Variants in ASTN2 observed in about 807,000 individuals in gnomAD.
The protein encoded by ASTN2 is astrotactin 2, also known as astrotactin-2.
In ASTN2, 54 loss-of-function variants were observed where a neutral mutation model predicts 139.8. The observed-to-expected ratio is 0.39, with a 90% CI of 0.31 to 0.48. ASTN2 has a LOEUF of 0.48. Among genes scored for constraint, ASTN2 ranks in the 20% least tolerant of loss-of-function variants. The pLI is 0.95. For synonymous variants in ASTN2, 756 were observed against 719.5 expected (o/e 1.05, Z -0.81); for missense variants, 1,565 against 1,725.1 (o/e 0.91, Z 1.64).
At chr9:116,522,712 G>A (rs1850931128) in intron 19 of ASTN2, among the ~76,000 whole-genome samples, 1 of 151,982 alleles carries the variant, frequency 6.6e-6, no homozygotes. Context: ...AAGAGGAAGA[G>A]GAAGAAGAAT....
At chr9:117,255,420 T>A (rs1833657394) in intron 2 of ASTN2, among the ~76,000 whole-genome samples, 1 of 152,214 alleles carries the variant, frequency 6.6e-6, no homozygotes, top group Admixed American at 6.5e-5. Context: ...GGAGATTATT[T>A]GTGTTACACC....
chr9:117,335,551 T>C (rs1275189041), intron 1 of ASTN2, among the ~76,000 whole-genome samples: 1 of 152,106 alleles, frequency 6.6e-6, no homozygotes, highest in Non-Finnish European at 1.5e-5. Flanking sequence ...TGTAGGAGGG[T>C]CATTTCATTA....
At chr9:116,957,570 GC>G (rs1241945408) in intron 10 of ASTN2, among the ~76,000 whole-genome samples, 1 of 152,188 alleles carries the variant, frequency 6.6e-6, no homozygotes, top group Non-Finnish European at 1.5e-5. Flanking sequence ...AGCCTGCTTT[GC>G]TTTTATAAGC....
At chr9:116,675,599 T>C (rs1309750747) in intron 16 of ASTN2, among the ~76,000 whole-genome samples, 26 of 152,174 alleles carry the variant, frequency 1.7e-4, no homozygotes, top group Non-Finnish European at 1.5e-5. Flanking sequence ...AGGGATACTC[T>C]TGGAGTTCTT....
chr9:116,793,754 C>T (rs1403441503), intron 13 of ASTN2, among the ~76,000 whole-genome samples: 3 of 152,202 alleles, frequency 2.0e-5, no homozygotes, highest in Admixed American at 2.0e-4. Context: ...AATTTATTAC[C>T]TGTGGCCTAC....
At chr9:116,784,670 C>T (rs1348231227) in intron 13 of ASTN2, among the ~76,000 whole-genome samples, 2 of 152,104 alleles carry the variant, frequency 1.3e-5, no homozygotes, top group Non-Finnish European at 2.9e-5. Context: ...GGGCTCATGC[C>T]TGTAATCCCA....
chr9:117,158,093 TA>T (rs1392115116), intron 3 of ASTN2, among the ~76,000 whole-genome samples: 3 of 151,922 alleles, frequency 2.0e-5, no homozygotes, highest in Non-Finnish European at 4.4e-5. Context: ...TTATACAAAA[TA>T]AAAAAATAGA....
At chr9:116,595,736 T>A (rs1338605823) in intron 19 of ASTN2, among the ~76,000 whole-genome samples, 5 of 152,142 alleles carry the variant, frequency 3.3e-5, no homozygotes, top group African/African-American at 1.2e-4. Context: ...ATATTTGATA[T>A]TAGGGATACA....
intron 4 of ASTN2, among the ~76,000 whole-genome samples, chr9:117,135,986 T>C (rs1829942645): frequency 6.6e-6 from 1 of 152,184 alleles, no homozygotes; most frequent in African/African-American, 2.4e-5. Flanking sequence ...GAGCCTTGTG[T>C]AGCAAGTGAT....
intron 19 of ASTN2, among the ~76,000 whole-genome samples, chr9:116,570,199 T>C (rs1004673896): frequency 7.9e-5 from 12 of 152,238 alleles, no homozygotes; most frequent in Non-Finnish European, 2.9e-5. Context: ...CTGAGATAAC[T>C]GATATACAGT....
intron 19 of ASTN2, among the ~76,000 whole-genome samples, chr9:116,601,601 C>T (rs777291307): frequency 6.9e-4 from 105 of 152,154 alleles, no homozygotes; most frequent in Non-Finnish European, 1.3e-3. Context: ...AGCAAAATAG[C>T]TTGGTTATAA....
At position 116,580,809 on chromosome 9, in the gene ASTN2, G is replaced by A. The variant is rs577751288; in HGVS notation, c.3355+37515C>T. On this transcript the variant is annotated intron_variant, in intron 19 of 22. Transcript: ENST00000313400. ...CTCATGAAAGGTATTTTGTGCAAAC[G>A]AGGTGTGATTTACACTTCCTTTAAT... 3.3e-5 allele frequency among the ~76,000 whole-genome samples: 5 copies of A among 152,178 alleles called. No individual in the cohort carries two copies. In the South Asian group the frequency reaches 8.3e-4, roughly 25 times the overall value.
intron 4 of ASTN2, among the ~76,000 whole-genome samples, chr9:117,109,148 G>A (rs991462767): frequency 6.8e-6 from 1 of 147,046 alleles, no homozygotes; most frequent in Non-Finnish European, 1.5e-5. Context: ...TGGGCGTGGA[G>A]ATACATGCCT....
intron 19 of ASTN2, among the ~76,000 whole-genome samples, chr9:116,565,383 CTCTCCATATATATATATATATATATA>C (rs1346823003): frequency 1.4e-4 from 5 of 36,094 alleles, no homozygotes; most frequent in South Asian, 1.4e-3. Flanking sequence ...CTCTCTCTCT[CTCTCCATATATATATATATATATATA>C]TATATATATA....
intron 10 of ASTN2, among the ~76,000 whole-genome samples, chr9:116,870,622 A>G (rs1833137542): frequency 6.6e-6 from 1 of 152,182 alleles, no homozygotes; most frequent in East Asian, 1.9e-4. Context: ...GCTCCAAAAC[A>G]GAGATAGCCA....
chr9:116,442,774 G>A (rs1378821796), intron 20 of ASTN2, among the ~76,000 whole-genome samples: 1 of 152,196 alleles, frequency 6.6e-6, no homozygotes, highest in African/African-American at 2.4e-5. Flanking sequence ...TTGTCAATGA[G>A]GACACTGAGA....
chr9:117,121,812 C>T (rs117473980), intron 4 of ASTN2, among the ~76,000 whole-genome samples: 2 of 152,278 alleles, frequency 1.3e-5, no homozygotes, highest in Non-Finnish European at 2.9e-5. Flanking sequence ...GATGGGGAAG[C>T]CAGTTCATCT....
chr9:116,962,702 C>T (rs921414277), intron 10 of ASTN2, among the ~76,000 whole-genome samples: 4 of 152,070 alleles, frequency 2.6e-5, no homozygotes, highest in Admixed American at 6.5e-5. Flanking sequence ...TTTTTAATTT[C>T]GTTGCATCTA....
intron 13 of ASTN2, 35 bp downstream of exon 13, chr9:116,805,597 C>G: frequency 2.5e-6 from 4 of 1,596,608 alleles, no homozygotes; most frequent in Non-Finnish European, 3.4e-6. Flanking sequence ...TTGTCAGTGA[C>G]TCAGACAAGC....
Sources: gnomAD v4.1 joint callset for allele counts (sites outside exome capture counted in the v4.1 genomes callset) on GRCh38, gnomAD v4.1.1 for gene constraint, MANE v1.5 for transcripts, NCBI Gene and HGNC (gene_info 2026-07-23, HGNC 2026-07-21) for gene names.